The following PEX7 variants were observed in gnomAD, a reference collection of about 807,000 sequenced individuals.
PEX7 encodes the protein PTS2 receptor.
A neutral mutation model predicts 47.5 loss-of-function variants in PEX7; 34 were observed. The ratio of observed to expected loss-of-function variants is 0.72; its 90% CI spans 0.54 to 0.95. PEX7 has a LOEUF of 0.95. Among genes scored for constraint, PEX7 ranks in the 40% least tolerant of loss-of-function variants. The pLI is 0.00. For synonymous variants in PEX7, 141 were observed against 148.8 expected (o/e 0.95, Z 0.38); for missense variants, 394 against 400.3 (o/e 0.98, Z 0.13).
chr6:136,878,627 A>T (rs1441211118), intron 8 of PEX7, among the ~76,000 whole-genome samples: 1 of 151,996 alleles, frequency 6.6e-6, no homozygotes, highest in Non-Finnish European at 1.5e-5. Flanking sequence ...TTGAACCCCC[A>T]TACCTTTATT....
intron 8 of PEX7, among the ~76,000 whole-genome samples, chr6:136,877,977 C>T (rs1309048880): frequency 6.6e-6 from 1 of 152,098 alleles, no homozygotes; most frequent in Non-Finnish European, 1.5e-5. Flanking sequence ...TCTCTGATTT[C>T]CTTGAGCAGT....
Position 136,865,937 on chromosome 6 carries a change from G to C in PEX7, c.527-690G>C, listed in dbSNP as rs546572439. Among the ~76,000 whole-genome samples, 123 of 152,168 alleles carry C rather than the reference G, an allele frequency of 8.1e-4. 1 individual carries two copies. The highest frequency in any genetic ancestry group is 1.8e-3 in the Admixed American group (27 of 15,296). ...GTCTCTACTAAAAATACAAAAATTA[G>C]CTGGGCGTGGTGGTGTGCACCTGTA... On this transcript the variant is annotated intron_variant, in intron 5 of 9. Coordinates refer to ENST00000318471, the MANE Select transcript of PEX7 (RefSeq NM_000288.4).
At chr6:136,847,660 T>C (rs889404424) in intron 5 of PEX7, among the ~76,000 whole-genome samples, 101 of 152,196 alleles carry the variant, frequency 6.6e-4, no homozygotes, top group African/African-American at 2.3e-3. Flanking sequence ...GTTGTAGATA[T>C]GCGGCATTAT....
At chr6:136,867,515 T>C (rs531534068) in intron 6 of PEX7, among the ~76,000 whole-genome samples, 1 of 151,658 alleles carries the variant, frequency 6.6e-6, no homozygotes, top group African/African-American at 2.4e-5. Context: ...AAAAAAAAAA[T>C]TAAATAGAAA....
chr6:136,844,435 A>G (rs1209140009), intron 3 of PEX7, among the ~76,000 whole-genome samples: 1 of 152,150 alleles, frequency 6.6e-6, no homozygotes, highest in Non-Finnish European at 1.5e-5. Context: ...TATCTTGAGT[A>G]ATGATTCCTA....
chr6:136,831,154 T>C (rs969916459), intron 3 of PEX7, among the ~76,000 whole-genome samples: 2 of 152,186 alleles, frequency 1.3e-5, no homozygotes, highest in African/African-American at 4.8e-5. Context: ...GAGGTTTAAT[T>C]GACTCACAGT....
At chr6:136,847,016 T>C (rs1224245401) in intron 5 of PEX7, among the ~76,000 whole-genome samples, 2 of 152,204 alleles carry the variant, frequency 1.3e-5, no homozygotes, top group African/African-American at 4.8e-5. Flanking sequence ...GTTTCCTGAC[T>C]TTTTGATGAT....
chr6:136,853,571 A>G (rs561486580), intron 5 of PEX7, among the ~76,000 whole-genome samples: 1 of 152,220 alleles, frequency 6.6e-6, no homozygotes, highest in Non-Finnish European at 1.5e-5. Flanking sequence ...TTATTTCATT[A>G]TTTTTAATTT....
intron 5 of PEX7, among the ~76,000 whole-genome samples, chr6:136,849,719 A>C (rs1038589784): frequency 3.9e-5 from 6 of 152,102 alleles, no homozygotes; most frequent in Admixed American, 3.9e-4. Context: ...TCCGGGAGAA[A>C]GTTTGTTATA....
chr6:136,841,401 C>G (rs539285247), intron 3 of PEX7, among the ~76,000 whole-genome samples: 1 of 152,274 alleles, frequency 6.6e-6, no homozygotes, highest in African/African-American at 2.4e-5. Context: ...CCCCCGATCC[C>G]TAGGGTGCTG....
intron 5 of PEX7, among the ~76,000 whole-genome samples, chr6:136,866,370 A>G (rs1333130618): frequency 6.6e-6 from 1 of 152,168 alleles, no homozygotes; most frequent in Non-Finnish European, 1.5e-5. Context: ...CTGTGTGTTT[A>G]GTCAATACTG....
At chr6:136,854,949 A>G (rs1376058396) in intron 5 of PEX7, among the ~76,000 whole-genome samples, 2 of 152,058 alleles carry the variant, frequency 1.3e-5, no homozygotes, top group Non-Finnish European at 2.9e-5. Flanking sequence ...TTAGCCGGGC[A>G]TGGTGGCACA....
At chr6:136,838,821 G>A (rs1046857931) in intron 3 of PEX7, among the ~76,000 whole-genome samples, 1 of 152,064 alleles carries the variant, frequency 6.6e-6, no homozygotes, top group Non-Finnish European at 1.5e-5. Context: ...GTGCCTGGGG[G>A]TTTATTATAC....
chr6:136,840,405 G>T (rs1472943214), intron 3 of PEX7, among the ~76,000 whole-genome samples: 1 of 151,678 alleles, frequency 6.6e-6, no homozygotes, highest in African/African-American at 2.4e-5. Flanking sequence ...TACTACATAT[G>T]TATGCATCCC....
At chr6:136,871,732 T>C (rs187316746) in intron 7 of PEX7, among the ~76,000 whole-genome samples, 7 of 152,244 alleles carry the variant, frequency 4.6e-5, no homozygotes, top group Admixed American at 4.6e-4. Context: ...ATCTAACTTT[T>C]GTATTTTTAG....
intron 9 of PEX7, among the ~76,000 whole-genome samples, chr6:136,906,100 C>T (rs963225167): frequency 3.3e-5 from 5 of 152,114 alleles, no homozygotes; most frequent in African/African-American, 1.2e-4. Flanking sequence ...ATGTTGCCTC[C>T]AGGGAGAGGT....
At chr6:136,838,611 T>A (rs772879593) in intron 3 of PEX7, among the ~76,000 whole-genome samples, 1 of 152,176 alleles carries the variant, frequency 6.6e-6, no homozygotes, top group Non-Finnish European at 1.5e-5. Flanking sequence ...TTAAATGATA[T>A]TAAGTAGCCA....
chr6:136,854,681 A>G (rs1370661682), intron 5 of PEX7, among the ~76,000 whole-genome samples: 1 of 152,204 alleles, frequency 6.6e-6, no homozygotes, highest in Non-Finnish European at 1.5e-5. Context: ...TTAGATTGAC[A>G]TTAGCATTAT....
chr6:136,823,791 GA>G (rs1320160743), intron 1 of PEX7, among the ~76,000 whole-genome samples: 1 of 152,176 alleles, frequency 6.6e-6, no homozygotes, highest in Non-Finnish European at 1.5e-5. Flanking sequence ...TCGGGAGGCT[GA>G]GGTAAGAGAA....
Sources: gnomAD v4.1 joint callset for allele counts (sites outside exome capture counted in the v4.1 genomes callset) on GRCh38, gnomAD v4.1.1 for gene constraint, MANE v1.5 for transcripts, NCBI Gene and HGNC (gene_info 2026-07-23, HGNC 2026-07-21) for gene names.